UBXN7: variants seen among roughly 807,000 people sequenced by gnomAD.
The protein encoded by UBXN7 is UBX domain protein 7, also known as UBX domain-containing protein 7.
A neutral mutation model predicts 58.0 loss-of-function variants in UBXN7; 9 were observed. That is an observed-to-expected ratio of 0.16 (90% CI 0.09 to 0.27). The LOEUF (loss-of-function observed/expected upper bound fraction) is 0.27. Ranked by LOEUF, UBXN7 falls within the 10% of genes least tolerant of loss-of-function variation. UBXN7 has a pLI of 1.00. For synonymous variants in UBXN7, 208 were observed against 205.0 expected, an observed-to-expected ratio of 1.01 and a Z score of -0.12; for missense variants, 328 against 599.6, an observed-to-expected ratio of 0.55 and a Z score of 4.73.
chr3:196,418,150 T>C (rs926340704), intron 1 of UBXN7, among the ~76,000 whole-genome samples: 48 of 151,518 alleles, frequency 3.2e-4, no homozygotes, highest in African/African-American at 1.1e-3. Context: ...GGTGGGAGAA[T>C]CGCTGGAACC....
chr3:196,413,290 G>A (rs946002887), intron 1 of UBXN7, among the ~76,000 whole-genome samples: 10 of 151,990 alleles, frequency 6.6e-5, no homozygotes, highest in African/African-American at 2.4e-4. Flanking sequence ...GTGAGCCGAG[G>A]TTGCTCCATT....
intron 1 of UBXN7, among the ~76,000 whole-genome samples, chr3:196,411,668 G>A (rs746343121): frequency 1.1e-4 from 16 of 152,054 alleles, no homozygotes; most frequent in African/African-American, 1.7e-4. Flanking sequence ...AAAATTAGCC[G>A]GACGTGGTGG....
intron 2 of UBXN7, among the ~76,000 whole-genome samples, chr3:196,406,821 C>A (rs1321078670): frequency 6.6e-6 from 1 of 152,214 alleles, no homozygotes; most frequent in Non-Finnish European, 1.5e-5. Context: ...GAAATCTGAA[C>A]TTTACTGGGC....
intron 1 of UBXN7, among the ~76,000 whole-genome samples, chr3:196,424,932 C>T (rs1181521761): frequency 6.6e-6 from 1 of 151,894 alleles, no homozygotes. Context: ...AAACTCCTGA[C>T]CTCAGGTGAT....
chr3:196,411,639 C>A (rs1174766264), intron 1 of UBXN7, among the ~76,000 whole-genome samples: 2 of 152,144 alleles, frequency 1.3e-5, no homozygotes, highest in Non-Finnish European at 2.9e-5. Flanking sequence ...GGTGAAACCC[C>A]TTCTCTATTA....
chr3:196,429,827 A>G (rs2108629577), intron 1 of UBXN7, among the ~76,000 whole-genome samples: 1 of 152,330 alleles, frequency 6.6e-6, no homozygotes, highest in African/African-American at 2.4e-5. Flanking sequence ...TTCGCTCTGT[A>G]GATCTCCAGA....
chr3:196,390,208 G>C (rs1184356496), intron 5 of UBXN7, among the ~76,000 whole-genome samples: 2 of 151,504 alleles, frequency 1.3e-5, no homozygotes, highest in African/African-American at 4.9e-5. Flanking sequence ...GACAGAATGA[G>C]AACCTGTCTC....
At chr3:196,402,644 T>A (rs888354037) in intron 3 of UBXN7, among the ~76,000 whole-genome samples, 3 of 152,216 alleles carry the variant, frequency 2.0e-5, no homozygotes, top group Non-Finnish European at 2.9e-5. Flanking sequence ...AGTAAGGATA[T>A]GGCAGTCAAG....
In UBXN7 at chr3:196,349,375, T is replaced by C. The variant is rs1298884827; in HGVS notation, c.*7310A>G. The C allele has an allele frequency of 2.0e-5, 3 of 152,244 alleles. No homozygotes were observed. The highest frequency in any genetic ancestry group is 2.9e-5 in the Non-Finnish European group (2 of 68,052). The allele number at this position is 152,244 out of a possible 1,614,324, so 9.4% of individuals were successfully genotyped here. A position where few individuals can be genotyped will look rare whatever the true frequency, so the allele number is the denominator to read the frequency against. On this transcript the variant is annotated 3_prime_UTR_variant, in exon 11 of 11. Coordinates refer to ENST00000296328, the MANE Select transcript of UBXN7 (RefSeq NM_015562.2). Reference sequence around the variant, plus strand: ...GGGATTTTCTGATGGCAACAGTCACTCCGTGTAAGGTTTAACTTACAGGGC... The same window carrying C: ...GGGATTTTCTGATGGCAACAGTCACCCCGTGTAAGGTTTAACTTACAGGGC...
chr3:196,415,023 C>T (rs1014771816), intron 1 of UBXN7, among the ~76,000 whole-genome samples: 2 of 152,130 alleles, frequency 1.3e-5, no homozygotes, highest in African/African-American at 4.8e-5. Flanking sequence ...AAAAACAGCA[C>T]AAATTTGATA....
At chr3:196,418,700 A>T (rs1730582741) in intron 1 of UBXN7, among the ~76,000 whole-genome samples, 1 of 152,240 alleles carries the variant, frequency 6.6e-6, no homozygotes, top group Non-Finnish European at 1.5e-5. Context: ...TATGTATTCT[A>T]GAATTTCTAA....
At position 196,369,852 on chromosome 3, in the gene UBXN7, G is replaced by C. The variant is rs73088716; in HGVS notation, c.616-341C>G. 7.7e-3 allele frequency among the ~76,000 whole-genome samples: 1,178 copies of C among 152,156 alleles called. 18 individuals are homozygous for C. The highest frequency in any genetic ancestry group is 0.027 in the African/African-American group (1,118 of 41,500). The stretch of plus-strand genomic sequence containing the variant: ...AAATCACAATATATTAAGATTATGG[G>C]CCAGGCATGGTGGCTCACGCCTGTA... On this transcript the variant is annotated intron_variant, in intron 6 of 10. Coordinates refer to ENST00000296328, the MANE Select transcript of UBXN7 (RefSeq NM_015562.2).
chr3:196,423,161 G>A (rs1730739296), intron 1 of UBXN7, among the ~76,000 whole-genome samples: 1 of 152,260 alleles, frequency 6.6e-6, no homozygotes, highest in African/African-American at 2.4e-5. Context: ...AGCGGGGCCA[G>A]TCACCACCTG....
intron 3 of UBXN7, among the ~76,000 whole-genome samples, chr3:196,401,537 A>C (rs1472648162): frequency 6.6e-6 from 1 of 150,482 alleles, no homozygotes; most frequent in African/African-American, 2.4e-5. Flanking sequence ...AGAAAGCCAA[A>C]TACCGGACGT....
chr3:196,376,962 C>A (rs1438254206), intron 5 of UBXN7, among the ~76,000 whole-genome samples: 1 of 151,096 alleles, frequency 6.6e-6, no homozygotes, highest in African/African-American at 2.4e-5. Context: ...GGGCAGATCA[C>A]TTGAACCCAG....
At chr3:196,385,006 G>GCTCTCC (rs939772297) in intron 5 of UBXN7, among the ~76,000 whole-genome samples, 8 of 152,106 alleles carry the variant, frequency 5.3e-5, no homozygotes, top group Admixed American at 2.0e-4. Flanking sequence ...TGAGGAAGTC[G>GCTCTCC]CTCTCCCTCT....
intron 3 of UBXN7, chr3:196,400,785 C>A (rs542079689): frequency 2.1e-5 from 7 of 325,778 alleles, no homozygotes; most frequent in African/African-American, 1.6e-4. Flanking sequence ...AAATGGAATT[C>A]TTCTGCCTCT....
At chr3:196,409,207 T>C (rs569791440) in intron 1 of UBXN7, among the ~76,000 whole-genome samples, 1 of 152,276 alleles carries the variant, frequency 6.6e-6, no homozygotes, top group South Asian at 2.1e-4. Flanking sequence ...GAGCTTTTGA[T>C]TTCAGCTAAT....
chr3:196,413,070 G>A (rs748864123), intron 1 of UBXN7, among the ~76,000 whole-genome samples: 1 of 152,100 alleles, frequency 6.6e-6, no homozygotes, highest in Non-Finnish European at 1.5e-5. Context: ...GGCCAAGCAC[G>A]GTGGCTCATG....
Sources: allele counts gnomAD v4.1 joint callset (sites outside exome capture counted in the v4.1 genomes callset), GRCh38; gene constraint gnomAD v4.1.1; transcripts MANE v1.5; gene names NCBI Gene and HGNC (gene_info 2026-07-23, HGNC 2026-07-21).